MEGF10: variants seen among roughly 807,000 people sequenced by gnomAD.
MEGF10 encodes the protein multiple EGF like domains 10, also known as multiple epidermal growth factor-like domains protein 10.
MEGF10 carries 86 observed loss-of-function variants against 147.5 expected under a neutral mutation model. That is an observed-to-expected ratio of 0.58 (90% CI 0.49 to 0.70). MEGF10 has a LOEUF of 0.70. Among genes scored for constraint, MEGF10 ranks in the 30% least tolerant of loss-of-function variants. MEGF10 has a pLI of 0.00. For synonymous variants in MEGF10, 478 were observed against 525.5 expected (o/e 0.91, Z 1.24); for missense variants, 1,329 against 1,487.3 (o/e 0.89, Z 1.75).
the MEGF10 span, among the ~76,000 whole-genome samples, chr5:127,264,782 T>C: frequency 2.0e-5 from 3 of 152,158 alleles, no homozygotes; most frequent in African/African-American, 7.2e-5. Flanking sequence ...CTTCAGAAAA[T>C]GTGAATTTTA....
the MEGF10 span, among the ~76,000 whole-genome samples, chr5:127,271,151 A>G: frequency 9.9e-5 from 15 of 152,200 alleles, no homozygotes; most frequent in African/African-American, 3.6e-4. Flanking sequence ...ATCTTCCACA[A>G]TGGTTGAACT....
rs142947482 is a variant in MEGF10 at position 127,410,473 on chromosome 5, C to T, written c.1002C>T (p.His334=). The T allele has an allele frequency of 4.4e-4, 707 of 1,614,194 alleles. 4 individuals are homozygous for T. In the African/African-American group the frequency reaches 8.2e-3, roughly 19 times the overall value. Reference sequence around the variant, plus strand: ...GTGTCAACGGAGGGAAGTGTTACCACGTGAGCGGCGCATGCCTCTGTGAAG... The same window carrying T: ...GTGTCAACGGAGGGAAGTGTTACCATGTGAGCGGCGCATGCCTCTGTGAAG... The part of the protein sequence containing the change: ...CQCVNGGKCY[H]VSGACLCEAG... Residue 334 remains histidine, a synonymous_variant, in exon 9 of 25, where the codon CAC becomes CAT. Coordinates refer to ENST00000503335, the MANE Select transcript of MEGF10 (RefSeq NM_001256545.2).
At chr5:127,452,846 AT>A (rs1766205979) in intron 22 of MEGF10, among the ~76,000 whole-genome samples, 1 of 152,132 alleles carries the variant, frequency 6.6e-6, no homozygotes. Flanking sequence ...CTACACACCC[AT>A]TTATGCTGCC....
At chr5:127,420,547 A>G (rs1169397987) in intron 12 of MEGF10, among the ~76,000 whole-genome samples, 1 of 152,016 alleles carries the variant, frequency 6.6e-6, no homozygotes, top group Non-Finnish European at 1.5e-5. Flanking sequence ...TGTTTCCACT[A>G]TCATGGAAAT....
chr5:127,292,042 T>C (rs909300552), intron 1 of MEGF10, among the ~76,000 whole-genome samples: 1 of 152,194 alleles, frequency 6.6e-6, no homozygotes, highest in Non-Finnish European at 1.5e-5. Flanking sequence ...ACTTTGTGTA[T>C]AGGGTTCCCA....
the MEGF10 span, among the ~76,000 whole-genome samples, chr5:127,244,794 T>G: frequency 6.6e-6 from 1 of 152,110 alleles, no homozygotes; most frequent in Admixed American, 6.5e-5. Flanking sequence ...TGGTTCAGAT[T>G]TGCAAGAATT....
chr5:127,245,678 AG>A, the MEGF10 span, among the ~76,000 whole-genome samples: 1 of 152,232 alleles, frequency 6.6e-6, no homozygotes, highest in Non-Finnish European at 1.5e-5. Context: ...GGCAACCTAG[AG>A]AATGGAAGAA....
intron 8 of MEGF10, among the ~76,000 whole-genome samples, chr5:127,406,975 TC>T (rs1407538448): frequency 6.6e-6 from 1 of 152,144 alleles, no homozygotes; most frequent in Non-Finnish European, 1.5e-5. Flanking sequence ...GATGCATGAC[TC>T]AGTGATGAAC....
At chr5:127,434,427 G>A (rs1765488520) in intron 14 of MEGF10, among the ~76,000 whole-genome samples, 1 of 152,052 alleles carries the variant, frequency 6.6e-6, no homozygotes, top group Non-Finnish European at 1.5e-5. Context: ...GCTAACTGGG[G>A]CCTTAAATGG....
the MEGF10 span, among the ~76,000 whole-genome samples, chr5:127,259,442 G>T: frequency 1.3e-5 from 2 of 152,172 alleles, no homozygotes; most frequent in Admixed American, 6.5e-5. Context: ...ATGTCAAAGG[G>T]GGGAGAGTGT....
At chr5:127,331,767 A>G (rs1485001261) in intron 2 of MEGF10, among the ~76,000 whole-genome samples, 1 of 152,176 alleles carries the variant, frequency 6.6e-6, no homozygotes, top group Non-Finnish European at 1.5e-5. Context: ...ATGGGAACCC[A>G]TGAGTGAGAA....
chr5:127,398,297 A>G lies in MEGF10; in HGVS notation c.660-379A>G, dbSNP rs549687438. Among the ~76,000 whole-genome samples, 6 of 152,268 alleles carry G rather than the reference A, an allele frequency of 3.9e-5. No individual in the cohort carries two copies. In the South Asian group the frequency reaches 1.2e-3, roughly 32 times the overall value. On this transcript the variant is annotated intron_variant, in intron 6 of 24. Coordinates refer to ENST00000503335, the MANE Select transcript of MEGF10 (RefSeq NM_001256545.2). ...AAAGGGTGTGATGTGCAACATCTCA[A>G]TTTTCTTTGGGAACAGAACAAACAT...
the MEGF10 span, among the ~76,000 whole-genome samples, chr5:127,269,544 G>A: frequency 6.6e-6 from 1 of 152,164 alleles, no homozygotes; most frequent in East Asian, 1.9e-4. Flanking sequence ...AGAGAAAAAA[G>A]AGTAAAAAGA....
intron 4 of MEGF10, among the ~76,000 whole-genome samples, chr5:127,351,029 G>A (rs1271387786): frequency 6.6e-6 from 1 of 151,932 alleles, no homozygotes; most frequent in Non-Finnish European, 1.5e-5. Context: ...GGGAAAATGG[G>A]GATGGTTAAT....
At chr5:127,420,259 G>A in intron 12 of MEGF10, 52 bp downstream of exon 12, 2 of 1,573,842 alleles carry the variant, frequency 1.3e-6, no homozygotes, top group Non-Finnish European at 1.7e-6. Flanking sequence ...AACTGATGTT[G>A]TAAAGTTGGC....
At chr5:127,306,365 G>T (rs1459170731) in intron 1 of MEGF10, among the ~76,000 whole-genome samples, 1 of 152,158 alleles carries the variant, frequency 6.6e-6, no homozygotes, top group Non-Finnish European at 1.5e-5. Context: ...GTGAAGAAAG[G>T]TCTGTGCAAG....
At chr5:127,324,716 C>G (rs1471097470) in intron 1 of MEGF10, among the ~76,000 whole-genome samples, 1 of 152,212 alleles carries the variant, frequency 6.6e-6, no homozygotes, top group Non-Finnish European at 1.5e-5. Context: ...TGCTCAAAGA[C>G]TTCAAGTAAA....
Position 127,331,381 on chromosome 5 carries a change from C to T in MEGF10, c.73C>T (p.Pro25Ser). ...ATGCCACTGGATTGGGACAGCATCA[C>T]CTCTGAATCTTGAAGACCCTAATGT... is the stretch of plus-strand genomic sequence containing the variant. ...LLCHWIGTAS[P>S]LNLEDPNVCS... is the part of the protein sequence containing the mutation. The change falls in exon 2 of 25, where the codon CCT becomes TCT. Residue 25 changes from proline to serine, a missense_variant. Coordinates refer to ENST00000503335, the MANE Select transcript of MEGF10 (RefSeq NM_001256545.2). 10 of 1,613,086 alleles carry T rather than the reference C, an allele frequency of 6.2e-6. No homozygotes were observed. Among genetic ancestry groups the T allele is most frequent in the Non-Finnish European group, 8.5e-6 (10 of 1,179,234 alleles).
intron 5 of MEGF10, among the ~76,000 whole-genome samples, chr5:127,374,222 G>T (rs1762944142): frequency 6.6e-6 from 1 of 152,202 alleles, no homozygotes; most frequent in African/African-American, 2.4e-5. Flanking sequence ...GCAGAAGCTT[G>T]GTGCTTTAGG....
Sources: allele counts gnomAD v4.1 joint callset (sites outside exome capture counted in the v4.1 genomes callset), GRCh38; gene constraint gnomAD v4.1.1; transcripts MANE v1.5; gene names NCBI Gene and HGNC (gene_info 2026-07-23, HGNC 2026-07-21).